Variants in ZNF704 observed in about 807,000 individuals in gnomAD.
The protein encoded by ZNF704 is glucocorticoid induced gene 1.
In ZNF704, 10 loss-of-function variants were observed where a neutral mutation model predicts 44.7. The ratio of observed to expected loss-of-function variants is 0.22; its 90% confidence interval spans 0.14 to 0.38. ZNF704 has a LOEUF of 0.38. ZNF704 is among the 10% of genes least tolerant of loss of function. The probability of loss-of-function intolerance (pLI) is 1.00; values close to 1 mark genes in which losing one functional copy is unlikely to be tolerated. For missense variants in ZNF704, 390 were observed against 545.5 expected, an observed-to-expected ratio of 0.71 and a Z score of 2.84; for synonymous variants, 211 against 207.6, an observed-to-expected ratio of 1.02 and a Z score of -0.14.
intron 2 of ZNF704, among the ~76,000 whole-genome samples, chr8:80,756,072 G>A (rs2131712120): frequency 6.6e-6 from 1 of 151,504 alleles, no homozygotes; most frequent in Non-Finnish European, 1.5e-5. Flanking sequence ...TCACGCCACT[G>A]CACTCCAGCC....
intron 2 of ZNF704, among the ~76,000 whole-genome samples, chr8:80,783,051 A>G (rs1807556243): frequency 6.6e-6 from 1 of 152,222 alleles, no homozygotes; most frequent in Non-Finnish European, 1.5e-5. Flanking sequence ...ACAAAATCAA[A>G]GCATAATGGG....
At chr8:80,673,720 A>G (rs2131618337) in intron 4 of ZNF704, among the ~76,000 whole-genome samples, 1 of 152,338 alleles carries the variant, frequency 6.6e-6, no homozygotes, top group South Asian at 2.1e-4. Flanking sequence ...TGAATTGAAA[A>G]TGGTACTTGG....
intron 2 of ZNF704, among the ~76,000 whole-genome samples, chr8:80,695,106 C>A (rs895172063): frequency 6.6e-6 from 1 of 152,230 alleles, no homozygotes; most frequent in Non-Finnish European, 1.5e-5. Flanking sequence ...TTTCTTAAAA[C>A]AGACAAAGCC....
In ZNF704 at chr8:80,823,367, TG is replaced by T. The variant is rs917090554; in HGVS notation, c.-21-1753del. Among the ~76,000 whole-genome samples, 26 of 152,062 alleles carry T rather than the reference TG, an allele frequency of 1.7e-4. 1 individual carries two copies. Among genetic ancestry groups the T allele is most frequent in the African/African-American group, 6.0e-4 (25 of 41,488 alleles). On this transcript the variant is annotated intron_variant, in intron 1 of 8. Coordinates refer to ENST00000327835, the MANE Select transcript of ZNF704 (RefSeq NM_001033723.3). ...TCAAACTGCAAGGCGGCAGCAAGGC[TG>T]GGGGAGGGGCATCAGCCACTGCTGA...
chr8:80,792,840 G>A (rs1807735292), intron 2 of ZNF704, among the ~76,000 whole-genome samples: 1 of 152,170 alleles, frequency 6.6e-6, no homozygotes, highest in South Asian at 2.1e-4. Flanking sequence ...ATCCCTAGTT[G>A]AGCCTTCAGA....
At chr8:80,645,199 C>T in intron 7 of ZNF704, 2 of 1,570,302 alleles carry the variant, frequency 1.3e-6, no homozygotes, top group East Asian at 2.3e-5. Flanking sequence ...AGCCTTCAGC[C>T]CCGCGCCGCC....
intron 8 of ZNF704, among the ~76,000 whole-genome samples, chr8:80,642,411 G>C (rs1817757622): frequency 6.6e-6 from 1 of 152,144 alleles, no homozygotes; most frequent in Non-Finnish European, 1.5e-5. Context: ...TTGAACACAA[G>C]TACAGTTCGT....
At chr8:80,730,538 TAAAAAAAAAAAAAA>T (rs148942015) in intron 2 of ZNF704, among the ~76,000 whole-genome samples, 2 of 63,966 alleles carry the variant, frequency 3.1e-5, no homozygotes, top group African/African-American at 5.1e-5. Flanking sequence ...GACTACATCT[TAAAAAAAAAAAAAA>T]AAAAAAAAAA....
At chr8:80,688,762 C>T (rs969148894) in intron 3 of ZNF704, among the ~76,000 whole-genome samples, 1 of 152,118 alleles carries the variant, frequency 6.6e-6, no homozygotes, top group Non-Finnish European at 1.5e-5. Context: ...TGTCTTCTGC[C>T]AGCCTGGCCT....
chr8:80,811,222 AGAATG>A (rs1284004770), intron 2 of ZNF704, among the ~76,000 whole-genome samples: 3 of 152,228 alleles, frequency 2.0e-5, no homozygotes. Context: ...GCAAAAAAAA[AGAATG>A]GAAAGTGTCT....
At chr8:80,709,441 TCAAAAAAAA>T (rs1818948821) in intron 2 of ZNF704, among the ~76,000 whole-genome samples, 1 of 33,352 alleles carries the variant, frequency 3.0e-5, no homozygotes, top group African/African-American at 7.4e-5. Context: ...AGACTCCATC[TCAAAAAAAA>T]AAAAAAAAAA....
At chr8:80,750,754 A>G (rs780701030) in intron 2 of ZNF704, among the ~76,000 whole-genome samples, 10 of 152,124 alleles carry the variant, frequency 6.6e-5, no homozygotes, top group Non-Finnish European at 1.3e-4. Context: ...ACCTCAGGTG[A>G]TCCACCCACC....
chr8:80,685,889 A>G (rs1470340294), intron 4 of ZNF704, among the ~76,000 whole-genome samples: 1 of 152,200 alleles, frequency 6.6e-6, no homozygotes, highest in African/African-American at 2.4e-5. Context: ...GGAGGAAAAA[A>G]GTTTGCACTG....
chr8:80,876,207 C>T (rs933887518), upstream of ZNF704, among the ~76,000 whole-genome samples: 27 of 152,284 alleles, frequency 1.8e-4, no homozygotes, highest in African/African-American at 6.0e-4. Context: ...TTAGATCACA[C>T]CATTTTCTTG....
intron 2 of ZNF704, among the ~76,000 whole-genome samples, chr8:80,754,805 T>A (rs937653871): frequency 5.9e-5 from 9 of 152,178 alleles, no homozygotes; most frequent in African/African-American, 2.2e-4. Context: ...TGCTCAGTTC[T>A]CTGTGTTCTC....
intron 2 of ZNF704, among the ~76,000 whole-genome samples, chr8:80,799,817 G>T (rs1807869025): frequency 6.6e-6 from 1 of 152,154 alleles, no homozygotes; most frequent in Admixed American, 6.5e-5. Flanking sequence ...AGGCTGAGAT[G>T]GCTGAATTGA....
At chr8:80,747,407 G>A (rs1806865531) in intron 2 of ZNF704, among the ~76,000 whole-genome samples, 1 of 152,124 alleles carries the variant, frequency 6.6e-6, no homozygotes, top group Non-Finnish European at 1.5e-5. Flanking sequence ...CGCTAGCTCT[G>A]CTGGAAGACT....
rs111459293 is a variant in ZNF704 at position 80,772,222 on chromosome 8, T to C, written c.221+49152A>G. 2.0e-3 allele frequency among the ~76,000 whole-genome samples: 304 copies of C among 152,362 alleles called. 1 individual carries two copies. The highest frequency in any genetic ancestry group is 7.0e-3 in the African/African-American group (293 of 41,586). On this transcript the variant is annotated intron_variant, in intron 2 of 8. Coordinates refer to ENST00000327835, the MANE Select transcript of ZNF704 (RefSeq NM_001033723.3). ...GGTTTTGGTATTAGGGTAATACTAGTTTCATAAAATGAATTGGGAACTGTT... is the reference window on the plus strand; with the variant it reads ...GGTTTTGGTATTAGGGTAATACTAGCTTCATAAAATGAATTGGGAACTGTT...
intron 2 of ZNF704, among the ~76,000 whole-genome samples, chr8:80,757,444 G>T (rs1356985712): frequency 1.3e-5 from 2 of 151,332 alleles, no homozygotes; most frequent in African/African-American, 4.9e-5. Context: ...GTTATTAAAA[G>T]AGTCAAAAAG....
Sources: allele counts gnomAD v4.1 joint callset (sites outside exome capture counted in the v4.1 genomes callset), GRCh38; gene constraint gnomAD v4.1.1; transcripts MANE v1.5; gene names NCBI Gene and HGNC (gene_info 2026-07-23, HGNC 2026-07-21).